Variants in TRPM3 observed in about 807,000 individuals in gnomAD.
TRPM3 encodes transient receptor potential cation channel subfamily M member 3.
Under a neutral mutation model 181.2 loss-of-function variants are expected in TRPM3, and 77 were observed. The ratio of observed to expected loss-of-function variants is 0.42; its 90% confidence interval spans 0.35 to 0.51. TRPM3 has a LOEUF of 0.51. Ranked by LOEUF, TRPM3 falls within the 20% of genes least tolerant of loss-of-function variation. The probability of loss-of-function intolerance (pLI) is 0.01; values close to 1 mark genes in which losing one functional copy is unlikely to be tolerated. For synonymous variants in TRPM3, 745 were observed against 796.4 expected (o/e 0.94, Z 1.09); for missense variants, 1,759 against 2,196.7 (o/e 0.80, Z 3.98).
At chr9:71,403,279 A>T (rs1463935620) in intron 1 of TRPM3, among the ~76,000 whole-genome samples, 1 of 152,224 alleles carries the variant, frequency 6.6e-6, no homozygotes, top group African/African-American at 2.4e-5. Context: ...ATTGTAACAG[A>T]TACCATATGG....
intron 6 of TRPM3, among the ~76,000 whole-genome samples, chr9:70,816,505 T>C (rs1470225681): frequency 6.6e-6 from 1 of 152,196 alleles, no homozygotes; most frequent in Admixed American, 6.5e-5. Context: ...AAGGCCCAGT[T>C]ATAACCTTTT....
chr9:71,157,645 A>C lies in TRPM3; in HGVS notation c.183+289008T>G, dbSNP rs72731801. Among the ~76,000 whole-genome samples the C allele has an allele frequency of 3.1e-3, 474 of 152,256 alleles. 4 individuals carry two copies. The highest frequency in any genetic ancestry group is 3.9e-3 in the Non-Finnish European group (268 of 67,988). ...TTTAGAAACTAAAAACTCTGACCAA[A>C]ATTCAGTTATTAGCTGCAAATCCTT... On this transcript the variant is annotated intron_variant, in intron 1 of 24. Coordinates refer to the TRPM3 transcript ENST00000357533.
At position 70,958,468 on chromosome 9, in the gene TRPM3, C is replaced by T. The variant is rs1211484428; in HGVS notation, c.178-93957G>A. ...TTGTTTCCTGACTTTTTAATGATTG[C>T]CATTCTAACTGGTGTGAGATGGTAT... On this transcript the variant is annotated intron_variant, in intron 1 of 25. Transcript: ENST00000677713. Among the ~76,000 whole-genome samples, 9 of 152,036 alleles carry T rather than the reference C, an allele frequency of 5.9e-5. No individual in the cohort carries two copies. The East Asian group carries it at 1.7e-3, about 29-fold the overall frequency.
chr9:70,983,303 G>A (rs908166528), intron 1 of TRPM3, among the ~76,000 whole-genome samples: 1 of 151,942 alleles, frequency 6.6e-6, no homozygotes, highest in Non-Finnish European at 1.5e-5. Context: ...TCCAGGATCA[G>A]TTCTAATACC....
rs556685621 is a variant in TRPM3 at position 71,391,675 on chromosome 9, A to C, written c.183+54978T>G. On this transcript the variant is annotated intron_variant, in intron 1 of 24. Coordinates refer to the TRPM3 transcript ENST00000357533. Reference sequence around the variant, plus strand: ...ATAAATTTGCAAGGTAAAAAATCGAATTTGACTATTACATCAAATGCTTTC... The same window carrying C: ...ATAAATTTGCAAGGTAAAAAATCGACTTTGACTATTACATCAAATGCTTTC... Among the ~76,000 whole-genome samples the C allele has an allele frequency of 1.2e-4, 19 of 152,204 alleles. No individual in the cohort carries two copies. In the South Asian group the frequency reaches 3.9e-3, roughly 32 times the overall value.
At chr9:70,763,478 G>T (rs1309296790) in intron 7 of TRPM3, among the ~76,000 whole-genome samples, 1 of 151,958 alleles carries the variant, frequency 6.6e-6, no homozygotes, top group Non-Finnish European at 1.5e-5. Flanking sequence ...CTCCAGCCTG[G>T]GTGACAGGGC....
At chr9:71,096,232 T>C (rs561286416) in intron 1 of TRPM3, among the ~76,000 whole-genome samples, 11 of 150,010 alleles carry the variant, frequency 7.3e-5, no homozygotes, top group Non-Finnish European at 1.6e-4. Flanking sequence ...CCACCCAGAA[T>C]TGAAACAGCA....
At chr9:70,799,762 C>T (rs2088354861) in intron 6 of TRPM3, among the ~76,000 whole-genome samples, 1 of 152,220 alleles carries the variant, frequency 6.6e-6, no homozygotes, top group African/African-American at 2.4e-5. Flanking sequence ...AAAATGTCTG[C>T]TACAGACCCA....
At chr9:71,031,978 A>AAT (rs1182837207) in intron 1 of TRPM3, among the ~76,000 whole-genome samples, 3 of 4,972 alleles carry the variant, frequency 6.0e-4, no homozygotes, top group South Asian at 0.02. Flanking sequence ...TATATTATAT[A>AAT]TATATATATT....
intron 1 of TRPM3, among the ~76,000 whole-genome samples, chr9:71,017,095 G>T (rs1390807926): frequency 6.6e-6 from 1 of 152,028 alleles, no homozygotes; most frequent in Admixed American, 6.6e-5. Context: ...CACATTTACT[G>T]CACATAAGAA....
chr9:70,831,991 A>ATTTATATATATATATT (rs2093960340), intron 5 of TRPM3, among the ~76,000 whole-genome samples: 12 of 125,668 alleles, frequency 9.5e-5, no homozygotes, highest in Admixed American at 1.6e-4. Flanking sequence ...ATATATATAT[A>ATTTATATATATATATT]TATATACCTA....
chr9:70,818,453 C>T (rs2092890041), intron 6 of TRPM3, among the ~76,000 whole-genome samples: 4 of 152,184 alleles, frequency 2.6e-5, no homozygotes, highest in Admixed American at 2.6e-4. Flanking sequence ...GGTAAAGCGC[C>T]CACATTTCTG....
At chr9:70,647,852 A>C (rs527859823) in intron 9 of TRPM3, among the ~76,000 whole-genome samples, 6 of 152,356 alleles carry the variant, frequency 3.9e-5, no homozygotes, top group African/African-American at 1.4e-4. Flanking sequence ...AAGTTTCAGA[A>C]TACAAAATAA....
intron 7 of TRPM3, among the ~76,000 whole-genome samples, chr9:70,772,775 T>C (rs1305663398): frequency 4.6e-5 from 7 of 152,002 alleles, no homozygotes; most frequent in Admixed American, 3.9e-4. Flanking sequence ...TTCCTTTGCC[T>C]TTGGTTATGA....
chr9:71,318,204 T>C (rs2088835243), intron 1 of TRPM3, among the ~76,000 whole-genome samples: 1 of 152,314 alleles, frequency 6.6e-6, no homozygotes, highest in East Asian at 1.9e-4. Flanking sequence ...ATTCTAAGGT[T>C]AAAAAGCAGC....
rs1341721139 is a variant in TRPM3 at position 71,396,301 on chromosome 9, C to CT, written c.183+50351dup. Among the ~76,000 whole-genome samples, 9 of 33,236 alleles carry CT rather than the reference C, an allele frequency of 2.7e-4. No individual in the cohort carries two copies. The South Asian group carries it at 0.011, about 42-fold the overall frequency. The allele number at this position is 33,236 out of a possible 152,430, so 21.8% of individuals were successfully genotyped here. On this transcript the variant is annotated intron_variant, in intron 1 of 24. Coordinates refer to the TRPM3 transcript ENST00000357533. ...CAAACAAACAAAAAAAGTGCTATTG[C>CT]TAAAAAAAAAAAAAAAATCCTTAAT...
At chr9:70,591,940 T>A (rs1315629476) in intron 21 of TRPM3, among the ~76,000 whole-genome samples, 1 of 152,216 alleles carries the variant, frequency 6.6e-6, no homozygotes, top group African/African-American at 2.4e-5. Context: ...GACTCAGACC[T>A]GTACCTGCTG....
At chr9:71,348,392 T>C (rs1273463394) in intron 1 of TRPM3, among the ~76,000 whole-genome samples, 1 of 151,672 alleles carries the variant, frequency 6.6e-6, no homozygotes, top group Non-Finnish European at 1.5e-5. Flanking sequence ...GCTAAGTCCT[T>C]TCATAAACAG....
At chr9:70,846,352 A>G (rs1040250758) in intron 4 of TRPM3, 26 bp downstream of exon 4, 2 of 1,600,608 alleles carry the variant, frequency 1.2e-6, no homozygotes, top group Non-Finnish European at 1.7e-6. Context: ...GCCTATGTTG[A>G]CTTTCTCTGT....
Sources: allele counts gnomAD v4.1 joint callset (sites outside exome capture counted in the v4.1 genomes callset), GRCh38; gene constraint gnomAD v4.1.1; transcripts MANE v1.5; gene names NCBI Gene and HGNC (gene_info 2026-07-23, HGNC 2026-07-21).